Variants in SYT1 observed in about 807,000 individuals in gnomAD.
SYT1 encodes the protein synaptotagmin 1.
Under a neutral mutation model 44.8 loss-of-function variants are expected in SYT1, and 8 were observed. The ratio of observed to expected loss-of-function variants is 0.18; its 90% CI spans 0.10 to 0.32. The LOEUF (loss-of-function observed/expected upper bound fraction) is 0.32. SYT1 is among the 10% of genes least tolerant of loss of function. The probability of loss-of-function intolerance (pLI) is 1.00; values close to 1 mark genes in which losing one functional copy is unlikely to be tolerated. For synonymous variants in SYT1, 154 were observed against 188.8 expected (o/e 0.82, Z 1.51); for missense variants, 286 against 509.3 (o/e 0.56, Z 4.22).
chr12:78,949,616 T>C (rs1001686130), intron 1 of SYT1, among the ~76,000 whole-genome samples: 1 of 152,016 alleles, frequency 6.6e-6, no homozygotes, highest in Non-Finnish European at 1.5e-5. Context: ...ATAGAAAATA[T>C]CCAAGATGGG....
At chr12:79,271,102 C>A (rs1166138124) in intron 4 of SYT1, among the ~76,000 whole-genome samples, 1 of 152,136 alleles carries the variant, frequency 6.6e-6, no homozygotes, top group Non-Finnish European at 1.5e-5. Flanking sequence ...AGCTGCTAGT[C>A]TATAATACCA....
chr12:79,213,627 A>G (rs1012222587), intron 3 of SYT1, among the ~76,000 whole-genome samples: 34 of 152,242 alleles, frequency 2.2e-4, no homozygotes, highest in Admixed American at 6.5e-5. Flanking sequence ...ACATAAAAGA[A>G]TATAAAGTCA....
At chr12:79,432,140 G>T (rs2136180553) in intron 9 of SYT1, among the ~76,000 whole-genome samples, 1 of 151,250 alleles carries the variant, frequency 6.6e-6, no homozygotes, top group Non-Finnish European at 1.5e-5. Flanking sequence ...TTTTAAAAAA[G>T]GGCCTACATT....
At chr12:79,124,246 C>A (rs544945565) in intron 3 of SYT1, among the ~76,000 whole-genome samples, 126 of 152,288 alleles carry the variant, frequency 8.3e-4, no homozygotes, top group Middle Eastern at 6.8e-3. Context: ...GGAAAAAATT[C>A]TCCAGCACCA....
intron 1 of SYT1, among the ~76,000 whole-genome samples, chr12:78,874,870 T>C (rs1417149515): frequency 1.3e-5 from 2 of 151,746 alleles, no homozygotes; most frequent in Admixed American, 6.6e-5. Context: ...TTGATTGTTA[T>C]TTAATTCTAG....
chr12:78,968,786 T>C (rs974069634), intron 1 of SYT1, among the ~76,000 whole-genome samples: 6 of 152,112 alleles, frequency 3.9e-5, no homozygotes, highest in Non-Finnish European at 8.8e-5. Context: ...AGACATAATA[T>C]CTAAGCTCAG....
chr12:78,953,158 G>A (rs776641541), intron 1 of SYT1, among the ~76,000 whole-genome samples: 2 of 152,108 alleles, frequency 1.3e-5, no homozygotes, highest in Non-Finnish European at 2.9e-5. Flanking sequence ...ATGAGTGAAT[G>A]AGTAAAAGAC....
chr12:79,040,323 T>C (rs1000699100), intron 2 of SYT1, among the ~76,000 whole-genome samples: 2 of 152,086 alleles, frequency 1.3e-5, no homozygotes, highest in South Asian at 2.1e-4. Flanking sequence ...TTCTAACTGG[T>C]GTGAGATGGT....
intron 9 of SYT1, among the ~76,000 whole-genome samples, chr12:79,396,428 G>A (rs550863053): frequency 3.6e-4 from 55 of 152,232 alleles, no homozygotes; most frequent in African/African-American, 1.3e-3. Flanking sequence ...CACCTTAGTG[G>A]ATTTTTAAAA....
intron 9 of SYT1, among the ~76,000 whole-genome samples, chr12:79,375,219 A>G (rs115587862): frequency 0.014 from 2,107 of 152,292 alleles, 56 homozygotes; most frequent in African/African-American, 0.049. Context: ...GCTAATTAAC[A>G]GGATTTCACA....
chr12:79,033,783 T>G (rs1298823080), intron 2 of SYT1, among the ~76,000 whole-genome samples: 2 of 151,282 alleles, frequency 1.3e-5, no homozygotes, highest in Admixed American at 6.6e-5. Context: ...TTAAAAGGAG[T>G]GTGGCTATTT....
At position 79,117,662 on chromosome 12, in the gene SYT1, CATATATATATATATATATATATATAT is replaced by C. The variant is rs57706449; in HGVS notation, c.-18+70328_-18+70353del. 5.7e-3 allele frequency among the ~76,000 whole-genome samples: 224 copies of C among 39,316 alleles called. 10 individuals carry two copies. The highest frequency in any genetic ancestry group is 0.015 in the African/African-American group (177 of 11,514). 25.8% of individuals were successfully genotyped at this position (39,316 alleles called of 152,430 possible). On this transcript the variant is annotated intron_variant, in intron 3 of 10. Transcript: ENST00000261205. ...GTGTGTGTGTGTGTGTGTATTACAT[CATATATATATATATATATATATATAT>C]ATATATATATATATATATATATATA...
rs149342825 is a variant in SYT1, at chr12:79,160,574, C to T, written c.-17-56929C>T. ...TTAGGTATTGAGAGAAAAATGGTCC[C>T]AATAAGAGATACAGAGAAGTTAAGA... is the stretch of plus-strand genomic sequence containing the variant. On this transcript the variant is annotated intron_variant, in intron 3 of 10. Coordinates refer to ENST00000261205, the MANE Select transcript of SYT1 (RefSeq NM_005639.3). Among the ~76,000 whole-genome samples the T allele has an allele frequency of 2.0e-5, 3 of 151,982 alleles. No individual in the cohort carries two copies. In the East Asian group the frequency reaches 5.8e-4, roughly 30 times the overall value.
In SYT1 at chr12:79,383,567, G is replaced by A. The variant is rs139841434; in HGVS notation, c.928+29948G>A. 4.3e-3 allele frequency among the ~76,000 whole-genome samples: 653 copies of A among 152,112 alleles called. 3 individuals are homozygous for A. The highest frequency in any genetic ancestry group is 0.014 in the African/African-American group (583 of 41,518). ...ACAAAACAAAAGAAAATCTCCTTTT[G>A]CTTTTCTAACTACCCTTTATGTCCA... On this transcript the variant is annotated intron_variant, in intron 9 of 10. Transcript: ENST00000261205.
chr12:79,008,608 G>T (rs763892939), intron 2 of SYT1, among the ~76,000 whole-genome samples: 4 of 152,110 alleles, frequency 2.6e-5, no homozygotes, highest in Non-Finnish European at 5.9e-5. Flanking sequence ...GTTAGATTTG[G>T]ACCACTTTTT....
chr12:79,322,638 C>T (rs998507409), intron 8 of SYT1, among the ~76,000 whole-genome samples: 2 of 152,078 alleles, frequency 1.3e-5, no homozygotes, highest in Non-Finnish European at 2.9e-5. Context: ...CTCAAACTCT[C>T]GGGGCGTTGG....
chr12:79,205,882 T>C lies in SYT1; in HGVS notation c.-17-11621T>C, dbSNP rs187180799. ...GAACGAGAAACACAGTTTGTTTAAA[T>C]TTTTTTTAAGTTTTCCCTTTCCAAT... On this transcript the variant is annotated intron_variant, in intron 3 of 10. Transcript: ENST00000261205. Among the ~76,000 whole-genome samples, 5 of 152,146 alleles carry C rather than the reference T, an allele frequency of 3.3e-5. No individual in the cohort carries two copies. The South Asian group carries it at 1.0e-3, about 32-fold the overall frequency.
At chr12:79,022,015 A>G (rs2137627190) in intron 2 of SYT1, among the ~76,000 whole-genome samples, 1 of 151,856 alleles carries the variant, frequency 6.6e-6, no homozygotes, top group East Asian at 1.9e-4. Context: ...TAAAACAGAG[A>G]TAAACTACAA....
At chr12:79,215,686 C>A (rs1874743735) in intron 3 of SYT1, among the ~76,000 whole-genome samples, 1 of 151,858 alleles carries the variant, frequency 6.6e-6, no homozygotes, top group East Asian at 1.9e-4. Context: ...CAGAGCAAGA[C>A]CCTATCTCAT....
Sources: gnomAD v4.1 joint callset for allele counts (sites outside exome capture counted in the v4.1 genomes callset) on GRCh38, gnomAD v4.1.1 for gene constraint, MANE v1.5 for transcripts, NCBI Gene and HGNC (gene_info 2026-07-23, HGNC 2026-07-21) for gene names.